HERC2: variants seen among roughly 807,000 people sequenced by gnomAD.
HERC2 encodes HECT and RLD domain containing E3 ubiquitin protein ligase 2.
Under a neutral mutation model 537.7 loss-of-function variants are expected in HERC2, and 102 were observed. The observed-to-expected ratio is 0.19, with a 90% confidence interval of 0.16 to 0.22. The LOEUF (loss-of-function observed/expected upper bound fraction) is 0.22, where lower values mean the gene tolerates loss of function less well. Ranked by LOEUF, HERC2 falls within the 10% of genes least tolerant of loss-of-function variation. HERC2 has a pLI of 1.00. For missense variants in HERC2, 4,236 were observed against 6,198.2 expected, an observed-to-expected ratio of 0.68 and a Z score of 10.63; for synonymous variants, 2,224 against 2,466.2, an observed-to-expected ratio of 0.90 and a Z score of 2.91.
intron 2 of HERC2, among the ~76,000 whole-genome samples, chr15:28,311,894 G>C (rs2076955717): frequency 6.6e-6 from 1 of 151,980 alleles, no homozygotes; most frequent in Admixed American, 6.6e-5. Flanking sequence ...AAAGCCAAAA[G>C]ATGGAACATT....
intron 2 of HERC2, among the ~76,000 whole-genome samples, chr15:28,313,127 G>A (rs1240423232): frequency 8.6e-4 from 120 of 139,962 alleles, no homozygotes; most frequent in South Asian, 1.1e-3. Context: ...AAGCCTTCAC[G>A]CTCCCATACA....
Position 28,113,443 on chromosome 15 carries a change from G to A in HERC2, c.14019+130C>T, listed in dbSNP as rs1887874016. Reference sequence around the variant, plus strand: ...CACAGCCTCCTGCAGGCGGGTGGAGGGACGCGCTCAGAGTGCACTCCCTTC... The same window carrying A: ...CACAGCCTCCTGCAGGCGGGTGGAGAGACGCGCTCAGAGTGCACTCCCTTC... On this transcript the variant is annotated intron_variant, in intron 91 of 92. Transcript: ENST00000261609. The surrounding 1 kb of genome is among the most constrained non-coding windows in gnomAD (Gnocchi z 7.0). 9.5e-7 allele frequency: 1 copy of A among 1,055,078 alleles called. No homozygotes were observed. The allele number at this position is 1,055,078 out of a possible 1,614,324, so 65.4% of individuals were successfully genotyped here. A position where few individuals can be genotyped will look rare whatever the true frequency, so the allele number is the denominator to read the frequency against.
chr15:28,231,526 G>A (rs1901846578), intron 30 of HERC2, among the ~76,000 whole-genome samples: 1 of 152,152 alleles, frequency 6.6e-6, no homozygotes, highest in East Asian at 1.9e-4. Flanking sequence ...GACTCGCTCA[G>A]GTGCGCTGGC....
intron 38 of HERC2, among the ~76,000 whole-genome samples, chr15:28,218,147 T>C (rs1900130427): frequency 2.0e-5 from 3 of 151,128 alleles, no homozygotes; most frequent in Admixed American, 2.0e-4. Flanking sequence ...TGGAGGCGAC[T>C]CACACACAGG....
At chr15:28,233,033 A>G in intron 30 of HERC2, 113 bp downstream of exon 30, 1 of 755,090 alleles carries the variant, frequency 1.3e-6, no homozygotes, top group Non-Finnish European at 2.2e-6. Context: ...GGCAGCAGGT[A>G]GAAATGTCAC....
chr15:28,155,523 T>C (rs1892909176), intron 69 of HERC2, among the ~76,000 whole-genome samples: 2 of 152,048 alleles, frequency 1.3e-5, no homozygotes, highest in South Asian at 4.1e-4. Context: ...CCAGTGATGA[T>C]GAGCATTTTT....
intron 38 of HERC2, 46 bp from the exon 39 acceptor site, chr15:28,215,848 C>T (rs972029532): frequency 1.7e-6 from 2 of 1,167,194 alleles, no homozygotes; most frequent in African/African-American, 1.6e-5. Context: ...TCCCTAAAGA[C>T]AAATCCCTAA....
chr15:28,210,871 G>C, intron 44 of HERC2, 131 bp downstream of exon 44: 1 of 872,182 alleles, frequency 1.1e-6, no homozygotes, highest in South Asian at 1.5e-5. Context: ...GGTGGTTGCT[G>C]GGCAGGCCAC....
chr15:28,315,882 C>G (rs1331760706), intron 2 of HERC2: 1 of 485,670 alleles, frequency 2.1e-6, no homozygotes, highest in African/African-American at 1.9e-5. Flanking sequence ...GAGCTTGTCT[C>G]AATGGATCTA....
At position 28,209,940 on chromosome 15, in the gene HERC2, C is replaced by CTTTTTT. The variant is rs1164101918; in HGVS notation, c.7069+1056_7069+1061dup. ...ATAACGACACTGTTGAATACATTAT[C>CTTTTTT]TTTTTTTTTTTTTTTTTTTTTTTTT... On this transcript the variant is annotated intron_variant, in intron 44 of 92. Transcript: ENST00000261609. 1.8e-4 allele frequency among the ~76,000 whole-genome samples: 14 copies of CTTTTTT among 77,344 alleles called. 1 individual carries two copies. The highest frequency in any genetic ancestry group is 6.5e-4 in the South Asian group (1 of 1,544). 50.7% of individuals were successfully genotyped at this position (77,344 alleles called of 152,430 possible).
intron 5 of HERC2, among the ~76,000 whole-genome samples, chr15:28,277,721 GAAGA>G (rs1269402147): frequency 2.0e-5 from 3 of 152,162 alleles, no homozygotes; most frequent in African/African-American, 7.2e-5. Context: ...GGTTAGGAAG[GAAGA>G]AAGAACCATG....
At chr15:28,276,180 C>T (rs1158910848) in intron 5 of HERC2, among the ~76,000 whole-genome samples, 1 of 115,954 alleles carries the variant, frequency 8.6e-6, no homozygotes, top group Admixed American at 9.1e-5. Flanking sequence ...AGCAAGACTC[C>T]ATCTCAAAAA....
At chr15:28,291,909 GAAAAAAAA>G (rs67813649) in intron 4 of HERC2, among the ~76,000 whole-genome samples, 37 of 37,966 alleles carry the variant, frequency 9.7e-4, no homozygotes, top group African/African-American at 1.3e-3. Context: ...CGTCTCAAAG[GAAAAAAAA>G]AAAAAAAAAA....
rs547690962 is a variant in HERC2 at position 28,121,599 on chromosome 15, C to A, written c.13189-170G>T. Reference sequence around the variant, plus strand: ...AGGGTGCAGGGGAACAGGCTGGCCCCGAAGCACACAGGGACAGACGGCCAG... The same window carrying A: ...AGGGTGCAGGGGAACAGGCTGGCCCAGAAGCACACAGGGACAGACGGCCAG... On this transcript the variant is annotated intron_variant, in intron 85 of 92. Transcript: ENST00000261609. Among the ~76,000 whole-genome samples, 72 of 152,286 alleles carry A rather than the reference C, an allele frequency of 4.7e-4. 1 individual carries two copies. In the South Asian group the frequency reaches 4.8e-3, roughly 10 times the overall value.
chr15:28,171,088 A>AT (rs1432280048), intron 65 of HERC2, among the ~76,000 whole-genome samples: 1 of 152,216 alleles, frequency 6.6e-6, no homozygotes, highest in Non-Finnish European at 1.5e-5. Context: ...ACTAAACATA[A>AT]TTACCATATG....
At chr15:28,318,353 G>A (rs1339497319) in intron 2 of HERC2, among the ~76,000 whole-genome samples, 2 of 152,146 alleles carry the variant, frequency 1.3e-5, no homozygotes, top group African/African-American at 2.4e-5. Context: ...CAGGCCGGGC[G>A]CGGTGGCTCA....
intron 88 of HERC2, among the ~76,000 whole-genome samples, chr15:28,116,215 T>C (rs1888227053): frequency 8.9e-6 from 1 of 112,742 alleles, no homozygotes; most frequent in South Asian, 3.3e-4. Flanking sequence ...AAAAGTCTTT[T>C]CTTTTTCTTT....
intron 38 of HERC2, 71 bp from the exon 39 acceptor site, chr15:28,215,873 T>A (rs1899846176): frequency 2.0e-6 from 2 of 994,114 alleles, no homozygotes; most frequent in Non-Finnish European, 3.0e-6. Context: ...ATATCCTTAT[T>A]TTTTTATCAA....
chr15:28,215,050 T>G (rs1214224366), intron 39 of HERC2, among the ~76,000 whole-genome samples: 2 of 152,098 alleles, frequency 1.3e-5, no homozygotes, highest in East Asian at 1.9e-4. Flanking sequence ...CATTTTTTTT[T>G]GGATTTTTGG....
Sources: gnomAD v4.1 joint callset for allele counts (sites outside exome capture counted in the v4.1 genomes callset) on GRCh38, gnomAD v4.1.1 for gene constraint, Gnocchi (gnomAD v3.1) non-coding constraint, MANE v1.5 for transcripts, NCBI Gene and HGNC (gene_info 2026-07-23, HGNC 2026-07-21) for gene names.